HSD17B12: variants seen among roughly 807,000 people sequenced by gnomAD.
HSD17B12 encodes hydroxysteroid 17-beta dehydrogenase 12.
Under a neutral mutation model 39.3 loss-of-function variants are expected in HSD17B12, and 32 were observed. The observed-to-expected ratio is 0.81, with a 90% CI of 0.61 to 1.09. The LOEUF is 1.09. HSD17B12 is among the 50% of genes least tolerant of loss of function. The probability of loss-of-function intolerance (pLI) is 0.00; values close to 1 mark genes in which losing one functional copy is unlikely to be tolerated. For missense variants in HSD17B12, 342 were observed against 382.9 expected, an observed-to-expected ratio of 0.89 and a Z score of 0.89; for synonymous variants, 150 against 146.7, an observed-to-expected ratio of 1.02 and a Z score of -0.16.
the HSD17B12 span, among the ~76,000 whole-genome samples, chr11:43,571,572 A>G: frequency 6.6e-6 from 1 of 152,248 alleles, no homozygotes; most frequent in East Asian, 1.9e-4. Context: ...AATGGCTGAG[A>G]GGAGGGCATT....
rs139129713 is a variant in HSD17B12, at chr11:43,808,058, C to T, written c.392-7379C>T. ...AGGTTCTGACATGAGCAACAGGGTA[C>T]CATTTCCCCAAGACAAGAAACCCTG... On this transcript the variant is annotated intron_variant, in intron 4 of 10. Coordinates refer to ENST00000278353, the MANE Select transcript of HSD17B12 (RefSeq NM_016142.3). 3.6e-3 allele frequency among the ~76,000 whole-genome samples: 542 copies of T among 152,258 alleles called. 4 individuals carry two copies. Among genetic ancestry groups the T allele is most frequent in the African/African-American group, 0.012 (510 of 41,540 alleles).
intron 6 of HSD17B12, among the ~76,000 whole-genome samples, chr11:43,828,881 C>T (rs967739011): frequency 1.3e-5 from 2 of 152,154 alleles, no homozygotes; most frequent in African/African-American, 4.8e-5. Flanking sequence ...AACGAAGCCT[C>T]TTAACTAATG....
intron 1 of HSD17B12, among the ~76,000 whole-genome samples, chr11:43,692,467 T>A (rs553370241): frequency 1.3e-5 from 2 of 152,206 alleles, no homozygotes; most frequent in Admixed American, 1.3e-4. Flanking sequence ...CCTTTCTTCA[T>A]CTGTGGTATC....
chr11:43,845,272 C>T (rs548307641), intron 9 of HSD17B12, among the ~76,000 whole-genome samples: 261 of 152,354 alleles, frequency 1.7e-3, no homozygotes, highest in Non-Finnish European at 3.3e-3. Context: ...GCGTGAGCCA[C>T]CACACCCAAC....
the HSD17B12 span, among the ~76,000 whole-genome samples, chr11:43,598,433 G>A: frequency 2.6e-5 from 4 of 151,844 alleles, no homozygotes; most frequent in African/African-American, 9.7e-5. Flanking sequence ...ACTCGATCTC[G>A]GTGAAGCTGA....
At chr11:43,626,423 A>G in the HSD17B12 span, among the ~76,000 whole-genome samples, 1 of 151,954 alleles carries the variant, frequency 6.6e-6, no homozygotes, top group South Asian at 2.1e-4. Context: ...TAGAGTACAG[A>G]TTCTAGAACA....
chr11:43,595,200 C>T, the HSD17B12 span, among the ~76,000 whole-genome samples: 5 of 152,302 alleles, frequency 3.3e-5, no homozygotes, highest in South Asian at 8.3e-4. Flanking sequence ...AGGTAGGCTC[C>T]GCCGACCTCA....
At chr11:43,832,579 GA>G (rs1951322422) in intron 7 of HSD17B12, among the ~76,000 whole-genome samples, 2 of 152,160 alleles carry the variant, frequency 1.3e-5, no homozygotes, top group African/African-American at 4.8e-5. Flanking sequence ...ACAAAACCAA[GA>G]AGCTGGGAAC....
At chr11:43,587,982 T>C in the HSD17B12 span, among the ~76,000 whole-genome samples, 1 of 152,214 alleles carries the variant, frequency 6.6e-6, no homozygotes, top group African/African-American at 2.4e-5. Context: ...GGTAGTTCTG[T>C]TGAGATCTTT....
In HSD17B12 at chr11:43,782,308, G is replaced by A. The variant is rs117022904; in HGVS notation, c.284-16012G>A. 5.6e-3 allele frequency among the ~76,000 whole-genome samples: 856 copies of A among 152,210 alleles called. 1 individual carries two copies. The highest frequency in any genetic ancestry group is 8.5e-3 in the Non-Finnish European group (581 of 67,992). On this transcript the variant is annotated intron_variant, in intron 3 of 10. Coordinates refer to ENST00000278353, the MANE Select transcript of HSD17B12 (RefSeq NM_016142.3). ...GGGATTTCCACTATCCAGCTTGAAG[G>A]GATGCTATCTAACCAAACCTGGATA...
chr11:43,588,610 CTATTATTAT>C, the HSD17B12 span, among the ~76,000 whole-genome samples: 3 of 144,974 alleles, frequency 2.1e-5, 1 homozygote, highest in Admixed American at 1.4e-4. Flanking sequence ...TTATTATTAG[CTATTATTAT>C]TATTATTATT....
chr11:43,843,289 A>G (rs1383123474), intron 9 of HSD17B12, among the ~76,000 whole-genome samples: 1 of 152,224 alleles, frequency 6.6e-6, no homozygotes, highest in Non-Finnish European at 1.5e-5. Flanking sequence ...GTCTAAATGA[A>G]GCTCAGAGTT....
the HSD17B12 span, among the ~76,000 whole-genome samples, chr11:43,675,498 G>A: frequency 6.6e-6 from 1 of 152,112 alleles, no homozygotes; most frequent in African/African-American, 2.4e-5. Flanking sequence ...AGGGTGGTCC[G>A]TGTTGCCGGA....
chr11:43,855,275 C>A lies in HSD17B12; in HGVS notation c.*27C>A. ...CATTGATAACTGCATTGTAACTTGG[C>A]CAGATGCTCCAGCATATGCACGTTC... On this transcript the variant is annotated 3_prime_UTR_variant, in exon 11 of 11. Transcript: ENST00000278353. 2 of 1,420,262 alleles carry A rather than the reference C, an allele frequency of 1.4e-6. No homozygotes were observed. Among genetic ancestry groups the A allele is most frequent in the Non-Finnish European group, 2.0e-6 (2 of 1,021,120 alleles). The allele number at this position is 1,420,262 out of a possible 1,614,324, so 88.0% of individuals were successfully genotyped here.
intron 1 of HSD17B12, among the ~76,000 whole-genome samples, chr11:43,717,785 A>G (rs1027678584): frequency 6.7e-6 from 1 of 149,344 alleles, no homozygotes; most frequent in Non-Finnish European, 1.5e-5. Context: ...ACTGTCAGTT[A>G]TGCCACATTC....
chr11:43,652,691 G>T, the HSD17B12 span, among the ~76,000 whole-genome samples: 10 of 152,010 alleles, frequency 6.6e-5, no homozygotes, highest in Non-Finnish European at 2.9e-5. Context: ...CACATGAAGA[G>T]ATACATGGGG....
At chr11:43,774,371 G>A (rs1054007686) in intron 3 of HSD17B12, among the ~76,000 whole-genome samples, 1 of 151,956 alleles carries the variant, frequency 6.6e-6, no homozygotes, top group African/African-American at 2.4e-5. Flanking sequence ...ATGCCATCAC[G>A]CCCAGCTAAT....
At chr11:43,849,342 C>T (rs1951509727) in intron 9 of HSD17B12, among the ~76,000 whole-genome samples, 1 of 152,098 alleles carries the variant, frequency 6.6e-6, no homozygotes, top group African/African-American at 2.4e-5. Context: ...AGTTACTTCA[C>T]TGCTATGCTA....
intron 3 of HSD17B12, among the ~76,000 whole-genome samples, chr11:43,797,156 A>G (rs1244966019): frequency 1.3e-5 from 2 of 152,210 alleles, no homozygotes; most frequent in East Asian, 3.9e-4. Context: ...CCAACTCTTT[A>G]GTTTTAGACA....
Sources: gnomAD v4.1 joint callset for allele counts (sites outside exome capture counted in the v4.1 genomes callset) on GRCh38, gnomAD v4.1.1 for gene constraint, MANE v1.5 for transcripts, NCBI Gene and HGNC (gene_info 2026-07-23, HGNC 2026-07-21) for gene names.